PDE1C: variants seen among roughly 807,000 people sequenced by gnomAD.
PDE1C encodes dual specificity calcium/calmodulin-dependent 3',5'-cyclic nucleotide phosphodiesterase 1C.
A neutral mutation model predicts 93.1 loss-of-function variants in PDE1C; 62 were observed. That is an observed-to-expected ratio of 0.67 (90% CI 0.54 to 0.82). The LOEUF (loss-of-function observed/expected upper bound fraction) is 0.82. Among genes scored for constraint, PDE1C ranks in the 40% least tolerant of loss-of-function variants. The probability of loss-of-function intolerance (pLI) is 0.00; values close to 1 mark genes in which losing one functional copy is unlikely to be tolerated. For synonymous variants in PDE1C, 325 were observed against 310.1 expected, an observed-to-expected ratio of 1.05 and a Z score of -0.50; for missense variants, 742 against 884.6, an observed-to-expected ratio of 0.84 and a Z score of 2.04.
intron 1 of PDE1C, among the ~76,000 whole-genome samples, chr7:32,375,771 G>A (rs399902): frequency 0.92 from 140,120 of 152,340 alleles, 64,998 homozygotes; most frequent in East Asian, 1. Context: ...CCTCTATACC[G>A]TCTGTCAAAC....
chr7:32,048,229 T>C (rs1179602023), intron 2 of PDE1C, among the ~76,000 whole-genome samples: 1 of 152,200 alleles, frequency 6.6e-6, no homozygotes, highest in Non-Finnish European at 1.5e-5. Context: ...GGAAATTTTT[T>C]AAAACACTTC....
At chr7:31,989,824 C>T (rs1189428315) in intron 2 of PDE1C, among the ~76,000 whole-genome samples, 1 of 152,250 alleles carries the variant, frequency 6.6e-6, no homozygotes, top group Non-Finnish European at 1.5e-5. Flanking sequence ...TTACTACTTA[C>T]ACAATCATAA....
chr7:32,421,661 A>G (rs973177560), intron 1 of PDE1C, among the ~76,000 whole-genome samples: 1 of 152,206 alleles, frequency 6.6e-6, no homozygotes, highest in African/African-American at 2.4e-5. Context: ...TGAAAGTCTA[A>G]CTGCAAGTGA....
intron 2 of PDE1C, among the ~76,000 whole-genome samples, chr7:31,917,297 T>A (rs1802051373): frequency 6.6e-6 from 1 of 152,106 alleles, no homozygotes; most frequent in African/African-American, 2.4e-5. Flanking sequence ...GAAAAGAAAA[T>A]TTTTACAGCT....
At chr7:31,624,308 C>T in the PDE1C span, among the ~76,000 whole-genome samples, 473 of 142,470 alleles carry the variant, frequency 3.3e-3, 1 homozygote, top group Middle Eastern at 0.011. Flanking sequence ...GAGCCCGCAT[C>T]ACCAAGGCAA....
At chr7:32,324,531 T>C (rs6462353) in intron 1 of PDE1C, among the ~76,000 whole-genome samples, 21,883 of 152,318 alleles carry the variant, frequency 0.14, 1,842 homozygotes, top group East Asian at 0.39. Flanking sequence ...TTAATAGTTC[T>C]GTGGAATTTG....
chr7:31,831,737 G>T (rs1029942288), intron 11 of PDE1C, among the ~76,000 whole-genome samples: 20 of 152,092 alleles, frequency 1.3e-4, no homozygotes, highest in African/African-American at 4.6e-4. Flanking sequence ...GTAGAAGGAG[G>T]AGGACAAAGA....
At chr7:32,383,902 C>G (rs552121242) in intron 1 of PDE1C, among the ~76,000 whole-genome samples, 44 of 152,308 alleles carry the variant, frequency 2.9e-4, no homozygotes, top group African/African-American at 1.1e-3. Context: ...TCAGTTTCTG[C>G]GTCTTTGAAA....
At chr7:32,393,564 T>C (rs1784789765) in intron 1 of PDE1C, among the ~76,000 whole-genome samples, 1 of 152,212 alleles carries the variant, frequency 6.6e-6, no homozygotes, top group Non-Finnish European at 1.5e-5. Flanking sequence ...AATTGTTAAT[T>C]ATTGTCATTT....
chr7:32,201,839 G>T (rs1157672262), intron 2 of PDE1C, among the ~76,000 whole-genome samples: 1 of 152,188 alleles, frequency 6.6e-6, no homozygotes, highest in African/African-American at 2.4e-5. Context: ...GCTCTCTCTT[G>T]TTCATCCCTT....
intron 1 of PDE1C, among the ~76,000 whole-genome samples, chr7:32,237,974 T>C (rs1808257553): frequency 6.6e-6 from 1 of 151,862 alleles, no homozygotes; most frequent in African/African-American, 2.4e-5. Context: ...TTCTCCATGT[T>C]GGTCAGGCTG....
chr7:31,619,858 G>C, the PDE1C span, among the ~76,000 whole-genome samples: 32 of 152,186 alleles, frequency 2.1e-4, no homozygotes, highest in African/African-American at 7.5e-4. Flanking sequence ...CCTAGTCAAA[G>C]AAAGGGGTGA....
In PDE1C at chr7:31,809,087, T is replaced by A. The variant is rs748217658; in HGVS notation, c.1835A>T (p.Asn612Ile). The change falls in exon 16 of 18, where the codon AAT becomes ATT. Residue 612 changes from asparagine to isoleucine, a missense_variant. Asn to Ile is a moderately radical substitution (Grantham distance 149). This residue lies in a region of PDE1C where 454 missense variants were observed against 459.4 expected (regional missense o/e 0.99). Coordinates refer to ENST00000396191, the MANE Select transcript of PDE1C (RefSeq NM_001191057.4). ...AGAGTGATCCTTCTTGTCTGTCTTA[T>A]TTTTACCATCTTTGAAGTCACCTGA... Reference protein sequence around the residue: ...QQNGDFKDGKNKTDKKDHSNI... With the variant: ...QQNGDFKDGKIKTDKKDHSNI... The A allele has an allele frequency of 1.9e-6, 3 of 1,592,318 alleles. No individual in the cohort carries two copies. The highest frequency in any genetic ancestry group is 1.7e-6 in the Non-Finnish European group (2 of 1,161,256).
At chr7:32,225,929 G>A (rs1474829017) in intron 1 of PDE1C, among the ~76,000 whole-genome samples, 6 of 152,014 alleles carry the variant, frequency 3.9e-5, no homozygotes, top group Non-Finnish European at 7.4e-5. Context: ...ATGGTGGCAC[G>A]TGCTTGTAGT....
chr7:32,127,218 A>G (rs996339411), intron 3 of PDE1C, among the ~76,000 whole-genome samples: 4 of 151,904 alleles, frequency 2.6e-5, no homozygotes, highest in Admixed American at 6.6e-5. Context: ...TGGTCACCAG[A>G]CTCCCAACTG....
the PDE1C span, among the ~76,000 whole-genome samples, chr7:31,661,475 G>A: frequency 6.6e-6 from 1 of 152,168 alleles, no homozygotes; most frequent in Non-Finnish European, 1.5e-5. Flanking sequence ...CACTTTGGGA[G>A]CCCCAGGTGG....
chr7:31,812,198 T>C lies in PDE1C; in HGVS notation c.1814-3090A>G, dbSNP rs557325503. Among the ~76,000 whole-genome samples the C allele has an allele frequency of 2.6e-5, 4 of 152,264 alleles. No homozygotes were observed. In the East Asian group the frequency reaches 7.7e-4, roughly 29 times the overall value. On this transcript the variant is annotated intron_variant, in intron 15 of 17. Coordinates refer to ENST00000396191, the MANE Select transcript of PDE1C (RefSeq NM_001191057.4). Reference sequence around the variant, plus strand: ...CCACCTCTCATTTACTGCTTACTTTTTAAGGGAAATGGTAGACTGTTGCTT... The same window carrying C: ...CCACCTCTCATTTACTGCTTACTTTCTAAGGGAAATGGTAGACTGTTGCTT...
intron 3 of PDE1C, among the ~76,000 whole-genome samples, chr7:32,130,915 A>T (rs1799879823): frequency 6.6e-6 from 1 of 152,192 alleles, no homozygotes; most frequent in Admixed American, 6.5e-5. Flanking sequence ...TCATAATAAT[A>T]ATGGTAATAA....
chr7:32,068,912 G>A (rs1450548936), intron 1 of PDE1C, among the ~76,000 whole-genome samples: 1 of 152,084 alleles, frequency 6.6e-6, no homozygotes, highest in African/African-American at 2.4e-5. Context: ...AATACAATCG[G>A]ACGTAATGTT....
Sources: allele counts gnomAD v4.1 joint callset (sites outside exome capture counted in the v4.1 genomes callset), GRCh38; gene constraint gnomAD v4.1.1; regional missense constraint gnomAD v4.1.1; transcripts MANE v1.5; gene names NCBI Gene and HGNC (gene_info 2026-07-23, HGNC 2026-07-21).